Variants in IFT80 observed in about 807,000 individuals in gnomAD.
IFT80 encodes intraflagellar transport protein 80 homolog.
In IFT80, 79 loss-of-function variants were observed where a neutral mutation model predicts 107.9. That is an observed-to-expected ratio of 0.73 (90% CI 0.61 to 0.88). The LOEUF is 0.88. Among genes scored for constraint, IFT80 ranks in the 40% least tolerant of loss-of-function variants. The pLI is 0.00. For missense variants in IFT80, 797 were observed against 914.2 expected, an observed-to-expected ratio of 0.87 and a Z score of 1.65; for synonymous variants, 299 against 300.9, an observed-to-expected ratio of 0.99 and a Z score of 0.07.
intron 1 of IFT80, chr3:160,394,078 T>G (rs994587034): frequency 6.6e-6 from 1 of 152,202 alleles, no homozygotes; most frequent in South Asian, 2.1e-4. Context: ...TTTATTCAGA[T>G]TGGTGCCATC....
intron 8 of IFT80, among the ~76,000 whole-genome samples, chr3:160,341,877 G>GGAAAGGA (rs1418784777): frequency 3.3e-5 from 5 of 152,104 alleles, no homozygotes; most frequent in African/African-American, 7.2e-5. Flanking sequence ...CTTCTGGAAG[G>GGAAAGGA]TATCCCTGTA....
chr3:160,369,671 T>G (rs1292560352), intron 5 of IFT80, among the ~76,000 whole-genome samples: 2 of 152,036 alleles, frequency 1.3e-5, no homozygotes, highest in Non-Finnish European at 2.9e-5. Context: ...AGTGCTATGT[T>G]TCGCTTTGCA....
At chr3:160,272,190 C>G (rs1407659725) in intron 18 of IFT80, among the ~76,000 whole-genome samples, 1 of 152,130 alleles carries the variant, frequency 6.6e-6, no homozygotes, top group African/African-American at 2.4e-5. Flanking sequence ...CAACCAATCA[C>G]AGTGTGTGGA....
intron 5 of IFT80, among the ~76,000 whole-genome samples, chr3:160,370,472 G>GT (rs1722158516): frequency 6.6e-6 from 1 of 151,804 alleles, no homozygotes; most frequent in African/African-American, 2.4e-5. Flanking sequence ...GCTAACAATA[G>GT]TTAATCAAGT....
At chr3:160,371,473 A>T (rs923799084) in intron 5 of IFT80, among the ~76,000 whole-genome samples, 2 of 152,062 alleles carry the variant, frequency 1.3e-5, no homozygotes, top group African/African-American at 4.8e-5. Flanking sequence ...AAAGGGTCTT[A>T]CTCTGGTGCC....
At chr3:160,363,316 G>C (rs1721632966) in intron 6 of IFT80, among the ~76,000 whole-genome samples, 1 of 151,980 alleles carries the variant, frequency 6.6e-6, no homozygotes. Flanking sequence ...ACGGATGTGA[G>C]GGACCTCTTA....
intron 19 of IFT80, among the ~76,000 whole-genome samples, chr3:160,267,767 A>G (rs1713459204): frequency 6.6e-6 from 1 of 152,096 alleles, no homozygotes; most frequent in African/African-American, 2.4e-5. Context: ...GGGTCTTGCT[A>G]TGTTGCCCAG....
At chr3:160,323,619 A>G (rs1718449127) in intron 8 of IFT80, among the ~76,000 whole-genome samples, 1 of 152,120 alleles carries the variant, frequency 6.6e-6, no homozygotes, top group South Asian at 2.1e-4. Context: ...TCTGGGACAC[A>G]TTCAAAGCAG....
chr3:160,325,252 A>G (rs1475871824), intron 8 of IFT80, among the ~76,000 whole-genome samples: 1 of 152,114 alleles, frequency 6.6e-6, no homozygotes, highest in African/African-American at 2.4e-5. Flanking sequence ...GCTACCAATG[A>G]CTTTCTTCAC....
At chr3:160,360,410 G>T (rs184696213) in intron 6 of IFT80, among the ~76,000 whole-genome samples, 1 of 152,178 alleles carries the variant, frequency 6.6e-6, no homozygotes, top group Non-Finnish European at 1.5e-5. Context: ...AGGGAGAATG[G>T]AACGAAGTTG....
In IFT80 at chr3:160,366,159, G is replaced by T; in HGVS notation, c.440-7C>A. On this transcript the variant is annotated splice_polypyrimidine_tract_variant and splice_region_variant and intron_variant, in intron 5 of 19. Transcript: ENST00000326448. ...ACTGAATACACTGGTGTTCCTGTAA[G>T]ATGAAAAAAGAAAAAAAAAAGGCTG... 2 of 1,568,214 alleles carry T rather than the reference G, an allele frequency of 1.3e-6. No individual in the cohort carries two copies. Among genetic ancestry groups the T allele is most frequent in the Non-Finnish European group, 1.7e-6 (2 of 1,143,962 alleles).
At chr3:160,349,684 G>C (rs576181472) in intron 8 of IFT80, among the ~76,000 whole-genome samples, 2 of 152,264 alleles carry the variant, frequency 1.3e-5, no homozygotes, top group South Asian at 4.2e-4. Context: ...CTACATTTAA[G>C]GGTAACATTT....
intron 5 of IFT80, among the ~76,000 whole-genome samples, chr3:160,372,637 G>A (rs544925352): frequency 6.4e-4 from 98 of 152,288 alleles, no homozygotes; most frequent in African/African-American, 2.2e-3. Flanking sequence ...GAAATACCAA[G>A]AGGTTAGCCA....
At chr3:160,317,273 G>T (rs544998028) in intron 9 of IFT80, among the ~76,000 whole-genome samples, 2 of 151,930 alleles carry the variant, frequency 1.3e-5, no homozygotes, top group African/African-American at 2.4e-5. Flanking sequence ...TATAATCATG[G>T]AGAAAGTAAA....
chr3:160,365,072 G>A (rs1032809845), intron 6 of IFT80, among the ~76,000 whole-genome samples: 2 of 151,784 alleles, frequency 1.3e-5, no homozygotes, highest in Non-Finnish European at 2.9e-5. Context: ...GATTCAACTT[G>A]TCTGTTTTTG....
intron 6 of IFT80, among the ~76,000 whole-genome samples, chr3:160,359,143 T>C (rs1721311714): frequency 6.6e-6 from 1 of 152,194 alleles, no homozygotes; most frequent in South Asian, 2.1e-4. Context: ...TGCTTTAGTC[T>C]CCCAAAAGGA....
chr3:160,353,307 A>C (rs1176748360), intron 8 of IFT80, among the ~76,000 whole-genome samples: 1 of 152,118 alleles, frequency 6.6e-6, no homozygotes, highest in East Asian at 1.9e-4. Flanking sequence ...AGACGCTCAA[A>C]CAGTATAACC....
intron 8 of IFT80, among the ~76,000 whole-genome samples, chr3:160,327,080 C>T (rs1249236594): frequency 2.0e-5 from 3 of 151,864 alleles, no homozygotes; most frequent in African/African-American, 7.3e-5. Context: ...TCACAACTGT[C>T]ACAAAAAGAA....
intron 6 of IFT80, among the ~76,000 whole-genome samples, chr3:160,361,626 G>A (rs1469678083): frequency 6.6e-6 from 1 of 152,172 alleles, no homozygotes; most frequent in Admixed American, 6.5e-5. Context: ...ATAGCAGGAA[G>A]TAAAGCACTC....
Sources: gnomAD v4.1 joint callset for allele counts (sites outside exome capture counted in the v4.1 genomes callset) on GRCh38, gnomAD v4.1.1 for gene constraint, MANE v1.5 for transcripts, NCBI Gene and HGNC (gene_info 2026-07-23, HGNC 2026-07-21) for gene names.